Variants in UBALD1 observed in about 807,000 individuals in gnomAD.
UBALD1 encodes the protein UBA like domain containing 1, also known as UBA-like domain-containing protein 1.
In UBALD1, 5 loss-of-function variants were observed where a neutral mutation model predicts 16.1. That is an observed-to-expected ratio of 0.31 (90% CI 0.16 to 0.66). The LOEUF is 0.66. Ranked by LOEUF, UBALD1 falls within the 30% of genes least tolerant of loss-of-function variation. UBALD1 has a pLI of 0.77. For synonymous variants in UBALD1, 146 were observed against 105.3 expected (o/e 1.39, Z -2.37); for missense variants, 220 against 252.8 (o/e 0.87, Z 0.88).
Position 4,609,754 on chromosome 16 carries a change from T to C in UBALD1, c.413A>G (p.Gln138Arg), listed in dbSNP as rs752505023. 81 of 1,503,554 alleles carry C rather than the reference T, an allele frequency of 5.4e-5. No homozygotes were observed. Among genetic ancestry groups the C allele is most frequent in the Non-Finnish European group, 7.0e-5 (79 of 1,130,062 alleles). 93.1% of individuals were successfully genotyped at this position (1,503,554 alleles called of 1,614,324 possible). A position where few individuals can be genotyped will look rare whatever the true frequency, so the allele number is the denominator to read the frequency against. ...ASPPGGPQHH[Q>R]PQPPLWTPTP... ...TGGAGTCCACAGGGGCGGCTGTGGC[T>C]GGTGGTGCTGTGGGCCCCCCGGGGG... The change falls in exon 3 of 3, where the codon CAG (glutamine) becomes CGG (arginine). Residue 138 changes from glutamine (Q) to arginine (R), a missense_variant. Physicochemically the swap from Gln to Arg is conservative, Grantham distance 43. This residue lies in a region of UBALD1 where 151 missense variants were observed against 132.6 expected (regional missense o/e 1.14). Transcript: ENST00000283474.
In UBALD1 at chr16:4,609,995, A is replaced by C; in HGVS notation, c.184-12T>G. 1 of 1,559,882 alleles carries C rather than the reference A, an allele frequency of 6.4e-7. No homozygotes were observed. The highest frequency in any genetic ancestry group is 8.7e-7 in the Non-Finnish European group (1 of 1,146,294). On this transcript the variant is annotated splice_polypyrimidine_tract_variant and intron_variant, in intron 2 of 2. Transcript: ENST00000283474. ...GCGGGGGTGCACATCTGTGAGGGGA[A>C]GAGAGGAGAGATGGGGTGAGCACCC...
chr16:4,610,206 C>T, intron 2 of UBALD1: 1 of 712,062 alleles, frequency 1.4e-6, no homozygotes, highest in Non-Finnish European at 2.5e-6. Flanking sequence ...GGCCACGAGG[C>T]TTTCCCAGCC....
chr16:4,611,812 C>T (rs762147130), intron 1 of UBALD1, among the ~76,000 whole-genome samples: 27 of 152,140 alleles, frequency 1.8e-4, no homozygotes, highest in South Asian at 6.2e-4. Context: ...TCCCAGGAAA[C>T]GGAGGCTGCT....
chr16:4,612,189 G>A (rs1383843997), intron 1 of UBALD1, among the ~76,000 whole-genome samples: 1 of 149,518 alleles, frequency 6.7e-6, no homozygotes, highest in South Asian at 2.1e-4. Context: ...TCAGCCTCCC[G>A]AGTAGCTGGG....
At chr16:4,610,697 T>C in intron 1 of UBALD1, 142 bp from the exon 2 acceptor site, 1 of 871,094 alleles carries the variant, frequency 1.1e-6, no homozygotes, top group Middle Eastern at 3.4e-4. Flanking sequence ...TGAGGCTCAG[T>C]GGCTTGCCTG....
chr16:4,611,918 G>A (rs561429995), intron 1 of UBALD1, among the ~76,000 whole-genome samples: 6 of 152,242 alleles, frequency 3.9e-5, no homozygotes, highest in East Asian at 1.9e-4. Context: ...TCAAGCCGCC[G>A]AGGTGCCCCT....
chr16:4,614,224 T>G, intron 1 of UBALD1: 1 of 323,806 alleles, frequency 3.1e-6, no homozygotes, highest in Non-Finnish European at 5.6e-6. Flanking sequence ...CAAATGCACA[T>G]GGACGTGTGC....
At chr16:4,612,517 C>A (rs1171075181) in intron 1 of UBALD1, among the ~76,000 whole-genome samples, 2 of 152,076 alleles carry the variant, frequency 1.3e-5, no homozygotes, top group African/African-American at 4.8e-5. Context: ...AGCAGCTGTG[C>A]CCCAAAGCCC....
At chr16:4,613,332 A>G (rs1897380833) in intron 1 of UBALD1, among the ~76,000 whole-genome samples, 1 of 152,164 alleles carries the variant, frequency 6.6e-6, no homozygotes, top group African/African-American at 2.4e-5. Context: ...AACTAAGGCC[A>G]GAGGGACAGA....
intron 1 of UBALD1, among the ~76,000 whole-genome samples, chr16:4,612,296 T>G (rs979303514): frequency 2.0e-5 from 3 of 152,102 alleles, no homozygotes; most frequent in Admixed American, 1.3e-4. Flanking sequence ...TCTCTTGACC[T>G]CATGATCCGC....
At chr16:4,613,607 G>A (rs1380548014) in intron 1 of UBALD1, among the ~76,000 whole-genome samples, 1 of 152,160 alleles carries the variant, frequency 6.6e-6, no homozygotes, top group Non-Finnish European at 1.5e-5. Flanking sequence ...CCCCGGCTGG[G>A]CACAGATGGT....
intron 1 of UBALD1, among the ~76,000 whole-genome samples, chr16:4,613,638 GA>G (rs1164757202): frequency 6.6e-6 from 1 of 152,140 alleles, no homozygotes; most frequent in Admixed American, 6.5e-5. Context: ...CTGAGGCCAT[GA>G]CCCTACCCCT....
chr16:4,613,538 C>T (rs574994010), intron 1 of UBALD1, among the ~76,000 whole-genome samples: 78 of 152,292 alleles, frequency 5.1e-4, no homozygotes, highest in African/African-American at 1.8e-3. Flanking sequence ...AGTCCTCTGG[C>T]TTCTAGTCCC....
chr16:4,614,875 G>T lies in UBALD1; in HGVS notation c.-78C>A, dbSNP rs1179295222. ...TCACGCGTCCACCATTAGCGAGCCG[G>T]CTCCGGCTAATACAAATATTTACTG... On this transcript the variant is annotated 5_prime_UTR_variant, in exon 1 of 3. Transcript: ENST00000283474. 4 of 1,349,614 alleles carry T rather than the reference G, an allele frequency of 3.0e-6. No individual in the cohort carries two copies. In the African/African-American group the frequency reaches 6.1e-5, roughly 21 times the overall value. The allele number at this position is 1,349,614 out of a possible 1,614,324, so 83.6% of individuals were successfully genotyped here.
At chr16:4,610,332 C>G (rs1897343639) in intron 2 of UBALD1, 161 bp downstream of exon 2, 1 of 767,776 alleles carries the variant, frequency 1.3e-6, no homozygotes, top group Non-Finnish European at 2.2e-6. Context: ...AGATTAAGTG[C>G]AGGACCCACG....
At chr16:4,614,104 C>T (rs1897391536) in intron 1 of UBALD1, 3 of 174,210 alleles carry the variant, frequency 1.7e-5, no homozygotes, top group African/African-American at 7.1e-5. Context: ...GCGTTGATCA[C>T]ACACCAAACG....
intron 1 of UBALD1, 110 bp downstream of exon 1, chr16:4,614,568 G>A (rs1282848201): frequency 5.5e-6 from 7 of 1,283,378 alleles, no homozygotes; most frequent in Admixed American, 7.6e-5. Context: ...CTGCGGCCCG[G>A]AGGGGGCGCA....
At position 4,609,282 on chromosome 16, in the gene UBALD1, C is replaced by T; in HGVS notation, c.*351G>A. ...TGCCGGCCCCCAAGGAGCTCCAAGC[C>T]AGGGATCAGCAATGTCTCTGCCAGG... On this transcript the variant is annotated 3_prime_UTR_variant, in exon 3 of 3. Coordinates refer to ENST00000283474, the MANE Select transcript of UBALD1 (RefSeq NM_145253.3). The T allele has an allele frequency of 4.4e-6, 1 of 225,474 alleles. No individual in the cohort carries two copies. Among genetic ancestry groups the T allele is most frequent in the Non-Finnish European group, 8.6e-6 (1 of 115,826 alleles). 14.0% of individuals were successfully genotyped at this position (225,474 alleles called of 1,614,324 possible). A position where few individuals can be genotyped will look rare whatever the true frequency, so the allele number is the denominator to read the frequency against.
In UBALD1 at chr16:4,610,790, C is replaced by G. The variant is rs375130593; in HGVS notation, c.121-235G>C. On this transcript the variant is annotated intron_variant, in intron 1 of 2. Transcript: ENST00000283474. ...GTGGGTGGAGAAGACCCTTCCCCTG[C>G]TGCTCGCCACCTGCCTCAGTGCCTA... is the stretch of plus-strand genomic sequence containing the variant. 44 of 527,900 alleles carry G rather than the reference C, an allele frequency of 8.3e-5. No homozygotes were observed. In the East Asian group the frequency reaches 1.1e-3, roughly 13 times the overall value. 32.7% of individuals were successfully genotyped at this position (527,900 alleles called of 1,614,324 possible). A position where few individuals can be genotyped will look rare whatever the true frequency, so the allele number is the denominator to read the frequency against.
Sources: allele counts gnomAD v4.1 joint callset (sites outside exome capture counted in the v4.1 genomes callset), GRCh38; gene constraint gnomAD v4.1.1; regional missense constraint gnomAD v4.1.1; transcripts MANE v1.5; gene names NCBI Gene and HGNC (gene_info 2026-07-23, HGNC 2026-07-21).